Variants in TRAF3IP1 observed in about 807,000 individuals in gnomAD.
The protein encoded by TRAF3IP1 is intraflagellar transport 54, also known as TRAF3-interacting protein 1.
TRAF3IP1 carries 53 observed loss-of-function variants against 89.9 expected under a neutral mutation model. That is an observed-to-expected ratio of 0.59 (90% confidence interval 0.47 to 0.74). The LOEUF (loss-of-function observed/expected upper bound fraction) is 0.74, where lower values mean the gene tolerates loss of function less well. Ranked by LOEUF, TRAF3IP1 falls within the 30% of genes least tolerant of loss-of-function variation. The pLI, the probability that TRAF3IP1 is intolerant of heterozygous loss-of-function variation, is 0.00. For missense variants in TRAF3IP1, 806 were observed against 866.1 expected (o/e 0.93, Z 0.87); for synonymous variants, 311 against 322.1 (o/e 0.97, Z 0.37).
intron 15 of TRAF3IP1, among the ~76,000 whole-genome samples, chr2:238,372,358 C>T (rs960212512): frequency 6.6e-6 from 1 of 152,160 alleles, no homozygotes; most frequent in Non-Finnish European, 1.5e-5. Flanking sequence ...TCAACTCCCA[C>T]TTATGAGTGA....
chr2:238,398,897 T>A lies in TRAF3IP1; in HGVS notation c.2054T>A (p.Ile685Asn). The stretch of plus-strand genomic sequence containing the variant: ...AAAATCCAGAAAATGGTATATAGTA[T>A]CAATTTGACTTCGAGAAGGTGAACA... ...EEKIQKMVYS[I>N]NLTSRR Residue 685 changes from isoleucine (I) to asparagine (N), a missense_variant, in exon 17 of 17, where the codon ATC (isoleucine) becomes AAC (asparagine). By Grantham distance (149) the Ile-to-Asn change is moderately radical. Around this residue, in one of 3 missense-constraint regions of TRAF3IP1, gnomAD observed 70 missense variants for 67.8 expected, o/e 1.03. Coordinates refer to ENST00000373327, the MANE Select transcript of TRAF3IP1 (RefSeq NM_015650.4). 6.2e-7 allele frequency: 1 copy of A among 1,606,558 alleles called. No homozygotes were observed. The highest frequency in any genetic ancestry group is 2.2e-5 in the East Asian group (1 of 44,846).
At chr2:238,342,463 A>T (rs1306308966) in intron 8 of TRAF3IP1, among the ~76,000 whole-genome samples, 1 of 152,180 alleles carries the variant, frequency 6.6e-6, no homozygotes. Context: ...TAAAGCTTAC[A>T]TAAGAATACC....
chr2:238,344,751 A>G (rs1698815613), intron 9 of TRAF3IP1, 153 bp downstream of exon 9: 3 of 722,474 alleles, frequency 4.2e-6, no homozygotes, highest in Non-Finnish European at 5.0e-6. Flanking sequence ...GCCTTTTTGC[A>G]TAAACTAGAA....
chr2:238,330,535 G>A (rs750679961), intron 5 of TRAF3IP1, among the ~76,000 whole-genome samples: 25 of 152,200 alleles, frequency 1.6e-4, no homozygotes, highest in Admixed American at 3.9e-4. Flanking sequence ...CAGTTGATCC[G>A]GCCGGGCAGT....
intron 15 of TRAF3IP1, among the ~76,000 whole-genome samples, chr2:238,396,803 C>T (rs1701245019): frequency 6.6e-6 from 1 of 152,210 alleles, no homozygotes; most frequent in Non-Finnish European, 1.5e-5. Flanking sequence ...TGGCCCCTGA[C>T]CCCTGGACTC....
chr2:238,326,803 T>C (rs962455246), intron 3 of TRAF3IP1, among the ~76,000 whole-genome samples: 2 of 152,006 alleles, frequency 1.3e-5, no homozygotes, highest in Non-Finnish European at 2.9e-5. Flanking sequence ...CAGCAGTGGG[T>C]AGTGGAGGTG....
In TRAF3IP1 at chr2:238,329,260, A is replaced by G. The variant is rs773994646; in HGVS notation, c.833A>G (p.Asp278Gly). The part of the protein sequence containing the change: ...ERDRDKGKDR[D>G]RRRVKNGEHS... ...GACCGGGACAAAGGGAAGGACAGGG[A>G]CAGACGGAGAGTGAAAAACGGGGAG... is the stretch of plus-strand genomic sequence containing the variant. Residue 278 changes from aspartate to glycine, a missense_variant, in exon 5 of 17, where the codon GAC (aspartate) becomes GGC (glycine). Physicochemically the swap from Asp to Gly is moderately conservative, Grantham distance 94 (BLOSUM62 -1). This residue lies in a region of TRAF3IP1 where 732 missense variants were observed against 780.5 expected (regional missense o/e 0.94). Coordinates refer to ENST00000373327, the MANE Select transcript of TRAF3IP1 (RefSeq NM_015650.4). 1 of 1,512,434 alleles carries G rather than the reference A, an allele frequency of 6.6e-7. No individual in the cohort carries two copies. Among genetic ancestry groups the G allele is most frequent in the Non-Finnish European group, 8.8e-7 (1 of 1,133,402 alleles). The allele number at this position is 1,512,434 out of a possible 1,614,324, so 93.7% of individuals were successfully genotyped here.
intron 1 of TRAF3IP1, 139 bp from the exon 2 acceptor site, chr2:238,325,167 T>C (rs1697758952): frequency 1.2e-6 from 1 of 820,394 alleles, no homozygotes; most frequent in African/African-American, 1.7e-5. Flanking sequence ...GTAGTAGACA[T>C]CAAATATTTC....
intron 15 of TRAF3IP1, among the ~76,000 whole-genome samples, chr2:238,367,208 A>G (rs1699921220): frequency 6.8e-6 from 1 of 148,068 alleles, no homozygotes; most frequent in Non-Finnish European, 1.5e-5. Flanking sequence ...GTGGATAAGG[A>G]TTAGAATTAA....
Position 238,353,183 on chromosome 2 carries a change from T to C in TRAF3IP1, c.1586T>C (p.Val529Ala). The change falls in exon 14 of 17, where the codon GTG (valine) becomes GCG (alanine). Residue 529 changes from valine to alanine, a missense_variant. Around this residue, in one of 3 missense-constraint regions of TRAF3IP1, gnomAD observed 732 missense variants for 780.5 expected, o/e 0.94. Transcript: ENST00000373327. ...TCCTTTCCTGCTCAGGTAACAGCAG[T>C]GGAACTAGAAGAAGAGGAGAAGCAT... ...EMSEIEMVTA[V>A]ELEEEEKHGG... is the part of the protein sequence containing the mutation. 1 of 1,614,054 alleles carries C rather than the reference T, an allele frequency of 6.2e-7. No individual in the cohort carries two copies. The highest frequency in any genetic ancestry group is 8.5e-7 in the Non-Finnish European group (1 of 1,180,012).
intron 15 of TRAF3IP1, among the ~76,000 whole-genome samples, chr2:238,371,996 A>C (rs1700130263): frequency 1.3e-5 from 2 of 152,242 alleles, no homozygotes; most frequent in South Asian, 4.1e-4. Context: ...TGAATGCAAA[A>C]TCCCTAAACT....
Position 238,348,816 on chromosome 2 carries a change from A to G in TRAF3IP1, c.1335A>G (p.Pro445=), listed in dbSNP as rs762062726. The change falls in exon 11 of 17, where the codon CCA becomes CCG. Residue 445 remains proline, a synonymous_variant. Coordinates refer to ENST00000373327, the MANE Select transcript of TRAF3IP1 (RefSeq NM_015650.4). The part of the protein sequence containing the change: ...GQDKSEVPET[P]EIPNELSSNI... ...ATAAGTCTGAGGTGCCAGAGACTCCAGAAATTCCTAATGAGCTTTCATCCA... is the reference window on the plus strand; with the variant it reads ...ATAAGTCTGAGGTGCCAGAGACTCCGGAAATTCCTAATGAGCTTTCATCCA... 1 of 1,614,200 alleles carries G rather than the reference A, an allele frequency of 6.2e-7. No individual in the cohort carries two copies. Among genetic ancestry groups the G allele is most frequent in the South Asian group, 1.1e-5 (1 of 91,090 alleles).
chr2:238,378,229 A>C (rs1700401958), intron 15 of TRAF3IP1, among the ~76,000 whole-genome samples: 1 of 151,624 alleles, frequency 6.6e-6, no homozygotes. Flanking sequence ...TTTCTTTTTA[A>C]ATTTATTAAG....
At chr2:238,333,040 T>C (rs1387296809) in intron 6 of TRAF3IP1, 145 bp downstream of exon 6, 14 of 630,328 alleles carry the variant, frequency 2.2e-5, no homozygotes, top group Non-Finnish European at 3.7e-5. Context: ...TATTTGGTTG[T>C]AAAAGTAATC....
intron 15 of TRAF3IP1, among the ~76,000 whole-genome samples, chr2:238,357,067 C>T (rs1184309686): frequency 3.9e-5 from 6 of 152,182 alleles, no homozygotes; most frequent in Non-Finnish European, 5.9e-5. Context: ...CGTGAGCCAC[C>T]GCGCCTGGCC....
At position 238,347,788 on chromosome 2, in the gene TRAF3IP1, C is replaced by G. The variant is rs372182288; in HGVS notation, c.1282+313C>G. On this transcript the variant is annotated intron_variant, in intron 10 of 16. Transcript: ENST00000373327. ...GATTACAGGCATGCACCACCACGCC[C>G]GGCTAATTTTGTATTTTTAGTAGAG... Among the ~76,000 whole-genome samples the G allele has an allele frequency of 1.8e-3, 278 of 151,940 alleles. 2 individuals are homozygous for G. Among genetic ancestry groups the G allele is most frequent in the African/African-American group, 6.5e-3 (268 of 41,454 alleles).
Position 238,399,814 on chromosome 2 carries a change from A to G in TRAF3IP1, c.*895A>G, listed in dbSNP as rs1320399402. 1 of 152,114 alleles carries G rather than the reference A, an allele frequency of 6.6e-6. No individual in the cohort carries two copies. Among genetic ancestry groups the G allele is most frequent in the Non-Finnish European group, 1.5e-5 (1 of 68,034 alleles). The allele number at this position is 152,114 out of a possible 1,614,324, so 9.4% of individuals were successfully genotyped here. ...AACAACATAAGGAAGACTTAAAAGG[A>G]TGCACTGATTTACGACGTTTTTTGA... On this transcript the variant is annotated 3_prime_UTR_variant, in exon 17 of 17. Transcript: ENST00000373327.
chr2:238,341,551 A>ATTTTTT (rs1559364603), intron 8 of TRAF3IP1, among the ~76,000 whole-genome samples: 76 of 122,466 alleles, frequency 6.2e-4, no homozygotes, highest in South Asian at 2.1e-3. Context: ...TTTTTTAAAA[A>ATTTTTT]AAAAACACTG....
intron 8 of TRAF3IP1, among the ~76,000 whole-genome samples, chr2:238,342,669 C>A (rs1365515200): frequency 6.6e-6 from 1 of 151,998 alleles, no homozygotes; most frequent in Non-Finnish European, 1.5e-5. Context: ...CTACAACCGC[C>A]AAACTTATGT....
Sources: allele counts gnomAD v4.1 joint callset (sites outside exome capture counted in the v4.1 genomes callset), GRCh38; gene constraint gnomAD v4.1.1; regional missense constraint gnomAD v4.1.1; transcripts MANE v1.5; gene names NCBI Gene and HGNC (gene_info 2026-07-23, HGNC 2026-07-21).